MACROD2: variants seen among roughly 807,000 people sequenced by gnomAD.
MACROD2 encodes ADP-ribose glycohydrolase MACROD2.
A neutral mutation model predicts 70.4 loss-of-function variants in MACROD2; 36 were observed. That is an observed-to-expected ratio of 0.51 (90% CI 0.39 to 0.68). The LOEUF (loss-of-function observed/expected upper bound fraction) is 0.68. MACROD2 is among the 30% of genes least tolerant of loss of function. The probability of loss-of-function intolerance (pLI) is 0.00; values close to 1 mark genes in which losing one functional copy is unlikely to be tolerated. For synonymous variants in MACROD2, 172 were observed against 178.8 expected, an observed-to-expected ratio of 0.96 and a Z score of 0.30; for missense variants, 496 against 538.4, an observed-to-expected ratio of 0.92 and a Z score of 0.78.
chr20:15,768,830 C>T (rs1386390827), intron 8 of MACROD2, among the ~76,000 whole-genome samples: 2 of 152,058 alleles, frequency 1.3e-5, no homozygotes, highest in African/African-American at 4.8e-5. Flanking sequence ...TTTATTTTCA[C>T]TTTTCAGACT....
intron 8 of MACROD2, among the ~76,000 whole-genome samples, chr20:15,830,453 A>G (rs945350287): frequency 1.3e-5 from 2 of 152,208 alleles, no homozygotes; most frequent in African/African-American, 4.8e-5. Context: ...AATACTGTTC[A>G]TTCATTTAAT....
intron 5 of MACROD2, among the ~76,000 whole-genome samples, chr20:14,822,010 G>T (rs1248467258): frequency 6.6e-6 from 1 of 151,982 alleles, no homozygotes; most frequent in East Asian, 1.9e-4. Flanking sequence ...TGTTTATTCA[G>T]AAATCCATAA....
At chr20:15,453,527 T>C (rs554362907) in intron 7 of MACROD2, among the ~76,000 whole-genome samples, 25 of 152,336 alleles carry the variant, frequency 1.6e-4, no homozygotes, top group Admixed American at 7.8e-4. Flanking sequence ...AGTTACTATG[T>C]CCTGGAAACC....
chr20:16,007,568 A>C (rs2066805807), intron 15 of MACROD2, among the ~76,000 whole-genome samples: 1 of 152,222 alleles, frequency 6.6e-6, no homozygotes, highest in Admixed American at 6.5e-5. Context: ...CATTTTTCAA[A>C]TAACTGATGC....
intron 8 of MACROD2, among the ~76,000 whole-genome samples, chr20:15,581,083 AG>A (rs1285490139): frequency 6.6e-6 from 1 of 152,200 alleles, no homozygotes; most frequent in Non-Finnish European, 1.5e-5. Flanking sequence ...AGGCAGATAA[AG>A]GAACTTCAGA....
chr20:15,409,066 C>CTAT (rs907817847), intron 6 of MACROD2, among the ~76,000 whole-genome samples: 2 of 152,038 alleles, frequency 1.3e-5, no homozygotes, highest in African/African-American at 4.8e-5. Context: ...AATTAAATTA[C>CTAT]TATTATTATT....
At chr20:15,938,189 T>A (rs1394805184) in intron 12 of MACROD2, among the ~76,000 whole-genome samples, 3 of 152,012 alleles carry the variant, frequency 2.0e-5, no homozygotes, top group Non-Finnish European at 4.4e-5. Flanking sequence ...GAAAACAAAA[T>A]AGTGCTTTTT....
chr20:14,731,406 C>T (rs1249561810), intron 5 of MACROD2, among the ~76,000 whole-genome samples: 1 of 152,144 alleles, frequency 6.6e-6, no homozygotes, highest in African/African-American at 2.4e-5. Context: ...TCTTAGAAGA[C>T]CAGGAAGCCC....
intron 5 of MACROD2, among the ~76,000 whole-genome samples, chr20:15,148,644 G>A (rs1462808720): frequency 6.6e-6 from 1 of 151,998 alleles, no homozygotes; most frequent in Non-Finnish European, 1.5e-5. Flanking sequence ...GTCCAAGTTG[G>A]TCTGGTGTCT....
chr20:15,519,867 A>ACTC (rs1464882694), intron 8 of MACROD2, among the ~76,000 whole-genome samples: 4 of 152,164 alleles, frequency 2.6e-5, no homozygotes, highest in Non-Finnish European at 5.9e-5. Flanking sequence ...GCAGAGCAAA[A>ACTC]TGAGGTTGCT....
At chr20:14,251,074 CT>C (rs1442004812) in intron 3 of MACROD2, among the ~76,000 whole-genome samples, 2 of 152,108 alleles carry the variant, frequency 1.3e-5, no homozygotes, top group African/African-American at 4.8e-5. Flanking sequence ...ATTGCTGGCA[CT>C]TCTAGATTCA....
rs1387646571 is a variant in MACROD2, at chr20:15,138,664, T to C, written c.419-91276T>C. On this transcript the variant is annotated intron_variant, in intron 5 of 17. Transcript: ENST00000684519. ...GCATACTGGGGGTGCTCTGCCAGCT[T>C]GGCATTGAATGTGTTTGTTTTATGT... Among the ~76,000 whole-genome samples the C allele has an allele frequency of 2.6e-4, 39 of 152,308 alleles. 1 individual carries two copies. Among genetic ancestry groups the C allele is most frequent in the Non-Finnish European group, 1.5e-5 (1 of 68,020 alleles).
rs554865588 is a variant in MACROD2, at chr20:15,018,793, T to C, written c.419-211147T>C. On this transcript the variant is annotated intron_variant, in intron 5 of 17. Coordinates refer to ENST00000684519, the MANE Select transcript of MACROD2 (RefSeq NM_001351661.2). ...GCCCACTGACTCAAATGTTCATCTCTTTTGGCAACACCCACACAGACACAC... is the reference window on the plus strand; with the variant it reads ...GCCCACTGACTCAAATGTTCATCTCCTTTGGCAACACCCACACAGACACAC... Among the ~76,000 whole-genome samples the C allele has an allele frequency of 1.2e-3, 190 of 152,302 alleles. 3 individuals carry two copies. Among genetic ancestry groups the C allele is most frequent in the African/African-American group, 4.1e-3 (172 of 41,566 alleles).
At chr20:14,307,254 A>G (rs746891480) in intron 3 of MACROD2, among the ~76,000 whole-genome samples, 18 of 152,238 alleles carry the variant, frequency 1.2e-4, no homozygotes, top group Non-Finnish European at 2.4e-4. Context: ...GGACCTTTGT[A>G]TGTGTGGTTC....
intron 8 of MACROD2, among the ~76,000 whole-genome samples, chr20:15,858,296 GAAAC>G (rs1311351992): frequency 6.7e-6 from 1 of 148,978 alleles, no homozygotes; most frequent in Non-Finnish European, 1.5e-5. Context: ...AAAAAAAAAT[GAAAC>G]AATGCTCCTG....
At chr20:14,341,409 G>A (rs958944580) in intron 3 of MACROD2, among the ~76,000 whole-genome samples, 2 of 152,096 alleles carry the variant, frequency 1.3e-5, no homozygotes, top group South Asian at 2.1e-4. Flanking sequence ...AGGCCGAGGC[G>A]GGAGGATCAC....
At chr20:15,527,770 G>C (rs747295455) in intron 8 of MACROD2, among the ~76,000 whole-genome samples, 19 of 152,174 alleles carry the variant, frequency 1.2e-4, no homozygotes, top group Non-Finnish European at 2.6e-4. Context: ...GATGTTTGGT[G>C]CACATGAGGC....
At chr20:14,420,020 G>C (rs975067833) in intron 3 of MACROD2, among the ~76,000 whole-genome samples, 4 of 151,706 alleles carry the variant, frequency 2.6e-5, no homozygotes, top group Non-Finnish European at 4.4e-5. Flanking sequence ...GTATATCTAC[G>C]ATAATTTTCT....
At chr20:14,057,767 A>G (rs139034084) in intron 2 of MACROD2, among the ~76,000 whole-genome samples, 37 of 152,316 alleles carry the variant, frequency 2.4e-4, no homozygotes, top group African/African-American at 8.7e-4. Flanking sequence ...GGAAACAAAA[A>G]TGGCCATCAG....
Sources: gnomAD v4.1 joint callset for allele counts (sites outside exome capture counted in the v4.1 genomes callset) on GRCh38, gnomAD v4.1.1 for gene constraint, MANE v1.5 for transcripts, NCBI Gene and HGNC (gene_info 2026-07-23, HGNC 2026-07-21) for gene names.